Variants in MYLIP observed in about 807,000 individuals in gnomAD.
MYLIP encodes myosin regulatory light chain interacting protein, also known as E3 ubiquitin-protein ligase MYLIP.
Under a neutral mutation model 45.8 loss-of-function variants are expected in MYLIP, and 26 were observed. That is an observed-to-expected ratio of 0.57 (90% confidence interval 0.42 to 0.79). MYLIP has a LOEUF of 0.79. Among genes scored for constraint, MYLIP ranks in the 30% least tolerant of loss-of-function variants. The pLI, the probability that MYLIP is intolerant of heterozygous loss-of-function variation, is 0.00. For missense variants in MYLIP, 494 were observed against 555.6 expected (o/e 0.89, Z 1.11); for synonymous variants, 213 against 218.1 (o/e 0.98, Z 0.21).
Position 16,129,110 on chromosome 6 carries a change from C to G in MYLIP, c.-213C>G, listed in dbSNP as rs994395413. The G allele has an allele frequency of 1.8e-6, 1 of 559,388 alleles. No homozygotes were observed. The highest frequency in any genetic ancestry group is 2.0e-5 in the African/African-American group (1 of 49,844). The allele number at this position is 559,388 out of a possible 1,614,324, so 34.7% of individuals were successfully genotyped here. Reference sequence around the variant, plus strand: ...CAGTTGGGCTGCTGGAGTGCGGCGCCACCGCGGAGGACAGGGGCAGCTGGC... The same window carrying G: ...CAGTTGGGCTGCTGGAGTGCGGCGCGACCGCGGAGGACAGGGGCAGCTGGC... On this transcript the variant is annotated 5_prime_UTR_variant, in exon 1 of 7. Transcript: ENST00000356840. This position sits in a 1 kb window ranked among gnomAD's most constrained non-coding sequence, Gnocchi z 5.1.
rs1759726140 is a variant in MYLIP at position 16,143,724 on chromosome 6, G to A, written c.688G>A (p.Ala230Thr). The change falls in exon 5 of 7, where the codon GCC (alanine) becomes ACC (threonine). Residue 230 changes from alanine to threonine, a missense_variant. Ala to Thr is a moderately conservative substitution (Grantham distance 58). Transcript: ENST00000356840. ...GATAGCTTATCCTGTGGTGCAGATG[G>A]CCACCCAGTCAGGAAAGAATGTATA... is the stretch of plus-strand genomic sequence containing the variant. ...NRIAYPVVQM[A>T]TQSGKNVYLT... 6.2e-7 allele frequency: 1 copy of A among 1,614,040 alleles called. No homozygotes were observed. The highest frequency in any genetic ancestry group is 1.7e-5 in the Admixed American group (1 of 60,000).
chr6:16,130,713 G>A lies in MYLIP; in HGVS notation c.244G>A (p.Val82Met). Residue 82 changes from valine to methionine, a missense_variant, in exon 2 of 7, where the codon GTG becomes ATG. Transcript: ENST00000356840. Reference protein sequence around the residue: ...YRLKLRVKFFVEPHLILQEQT... With the variant: ...YRLKLRVKFFMEPHLILQEQT... ...GCTTAAACTTAGAGTCAAGTTCTTCGTGGAGCCTCATCTCATCTTACAGGA... is the reference window on the plus strand; with the variant it reads ...GCTTAAACTTAGAGTCAAGTTCTTCATGGAGCCTCATCTCATCTTACAGGA... 1.2e-6 allele frequency: 2 copies of A among 1,614,102 alleles called. No individual in the cohort carries two copies. The highest frequency in any genetic ancestry group is 1.7e-6 in the Non-Finnish European group (2 of 1,180,018).
chr6:16,149,290 A>G (rs934352745), downstream of MYLIP, among the ~76,000 whole-genome samples: 1 of 152,232 alleles, frequency 6.6e-6, no homozygotes, highest in African/African-American at 2.4e-5. Context: ...TCACCCCACT[A>G]GACCATATGG....
intron 2 of MYLIP, among the ~76,000 whole-genome samples, chr6:16,131,796 T>C (rs186938540): frequency 5.9e-5 from 9 of 152,340 alleles, no homozygotes; most frequent in Non-Finnish European, 1.2e-4. Flanking sequence ...GAAATACTTA[T>C]CATTTGAATT....
At chr6:16,158,118 G>C in the MYLIP span, among the ~76,000 whole-genome samples, 1 of 152,270 alleles carries the variant, frequency 6.6e-6, no homozygotes, top group Non-Finnish European at 1.5e-5. Flanking sequence ...ACGGATTATC[G>C]CTGTGAAAGC....
downstream of MYLIP, among the ~76,000 whole-genome samples, chr6:16,149,351 A>G (rs1471562282): frequency 1.3e-5 from 2 of 152,240 alleles, no homozygotes. Context: ...ACATGGTGGC[A>G]TCATAGAATT....
downstream of MYLIP, among the ~76,000 whole-genome samples, chr6:16,150,143 C>T (rs1014490129): frequency 6.6e-6 from 1 of 152,158 alleles, no homozygotes; most frequent in Admixed American, 6.5e-5. Flanking sequence ...AAAGGACCCA[C>T]ATCTAAAGTG....
At chr6:16,158,023 A>G in the MYLIP span, among the ~76,000 whole-genome samples, 1 of 152,238 alleles carries the variant, frequency 6.6e-6, no homozygotes, top group East Asian at 1.9e-4. Context: ...CCCCAAAAAG[A>G]AAGAACAACA....
downstream of MYLIP, among the ~76,000 whole-genome samples, chr6:16,151,099 C>G (rs1280343283): frequency 6.6e-6 from 1 of 152,038 alleles, no homozygotes; most frequent in Non-Finnish European, 1.5e-5. Flanking sequence ...CCTGTAACCC[C>G]AGCACTTTGG....
At chr6:16,130,515 C>A in intron 1 of MYLIP, 42 bp from the exon 2 acceptor site, 1 of 1,592,886 alleles carries the variant, frequency 6.3e-7, no homozygotes, top group Non-Finnish European at 8.6e-7. Flanking sequence ...TGCTTTGATA[C>A]GTACCATTTG....
At position 16,146,858 on chromosome 6, in the gene MYLIP, A is replaced by C; in HGVS notation, c.*107A>C. ...GTAATTATTCCAACACCCATCTGCC[A>C]TGCGATGTTAAAAAAAAAAAAAAGG... On this transcript the variant is annotated 3_prime_UTR_variant, in exon 7 of 7. Transcript: ENST00000356840. 1 of 892,202 alleles carries C rather than the reference A, an allele frequency of 1.1e-6. No homozygotes were observed. The highest frequency in any genetic ancestry group is 1.6e-6 in the Non-Finnish European group (1 of 616,892). The allele number at this position is 892,202 out of a possible 1,614,324, so 55.3% of individuals were successfully genotyped here.
At chr6:16,156,887 G>A in the MYLIP span, among the ~76,000 whole-genome samples, 3 of 152,210 alleles carry the variant, frequency 2.0e-5, no homozygotes, top group Non-Finnish European at 2.9e-5. Context: ...GTATGGACAA[G>A]CCTTTCTTCT....
downstream of MYLIP, among the ~76,000 whole-genome samples, chr6:16,150,291 T>A (rs568882711): frequency 2.6e-5 from 4 of 151,134 alleles, no homozygotes; most frequent in Non-Finnish European, 5.9e-5. Flanking sequence ...AGGAGGGGAG[T>A]ATCAAGAAAG....
At chr6:16,159,901 G>T in the MYLIP span, among the ~76,000 whole-genome samples, 2 of 152,122 alleles carry the variant, frequency 1.3e-5, no homozygotes, top group East Asian at 1.9e-4. Flanking sequence ...CCTGAGCAAG[G>T]GGCCCCGGGA....
the MYLIP span, among the ~76,000 whole-genome samples, chr6:16,156,739 A>AGAT: frequency 3.3e-5 from 5 of 152,222 alleles, no homozygotes; most frequent in African/African-American, 1.2e-4. Context: ...TAGGGAAAGC[A>AGAT]GATATAGCTT....
At chr6:16,136,807 T>C (rs1324427448) in intron 2 of MYLIP, among the ~76,000 whole-genome samples, 1 of 152,264 alleles carries the variant, frequency 6.6e-6, no homozygotes, top group Non-Finnish European at 1.5e-5. Flanking sequence ...CAATTCATAT[T>C]AAACACTTGT....
chr6:16,141,024 A>C (rs1336651197), intron 2 of MYLIP, among the ~76,000 whole-genome samples: 4 of 152,204 alleles, frequency 2.6e-5, no homozygotes, highest in Non-Finnish European at 5.9e-5. Flanking sequence ...GTGAAATAGG[A>C]CAAAGAGTCC....
chr6:16,141,614 T>C lies in MYLIP; in HGVS notation c.279-11T>C, dbSNP rs1348183322. 6 of 1,607,616 alleles carry C rather than the reference T, an allele frequency of 3.7e-6. No individual in the cohort carries two copies. The South Asian group carries it at 6.6e-5, about 18-fold the overall frequency. On this transcript the variant is annotated splice_polypyrimidine_tract_variant and intron_variant, in intron 2 of 6. Transcript: ENST00000356840. ...CCCCAAGCATAACCTCACTCTCACC[T>C]TGCTTTGCAGGCATATCTTTTTCTT...
At chr6:16,146,609 G>A (rs1759794963) in intron 6 of MYLIP, 53 bp from the exon 7 acceptor site, 2 of 1,432,912 alleles carry the variant, frequency 1.4e-6, no homozygotes, top group Non-Finnish European at 9.7e-7. Flanking sequence ...AGAGACACAG[G>A]CCCCCCACCG....
Sources: gnomAD v4.1 joint callset for allele counts (sites outside exome capture counted in the v4.1 genomes callset) on GRCh38, gnomAD v4.1.1 for gene constraint, Gnocchi (gnomAD v3.1) non-coding constraint, MANE v1.5 for transcripts, NCBI Gene and HGNC (gene_info 2026-07-23, HGNC 2026-07-21) for gene names.